The following MYOZ1 variants were observed in gnomAD, a reference collection of about 807,000 sequenced individuals.
MYOZ1 encodes the protein myozenin 1.
In MYOZ1, 20 loss-of-function variants were observed where a neutral mutation model predicts 28.7. That is an observed-to-expected ratio of 0.70 (90% CI 0.49 to 1.01). MYOZ1 has a LOEUF of 1.01. Ranked by LOEUF, MYOZ1 falls within the 50% of genes least tolerant of loss-of-function variation. The pLI is 0.00. For missense variants in MYOZ1, 371 were observed against 372.4 expected, an observed-to-expected ratio of 1.00 and a Z score of 0.03; for synonymous variants, 144 against 145.8, an observed-to-expected ratio of 0.99 and a Z score of 0.09.
intron 3 of MYOZ1, among the ~76,000 whole-genome samples, chr10:73,635,742 G>C (rs971459949): frequency 6.6e-6 from 1 of 152,134 alleles, no homozygotes; most frequent in East Asian, 1.9e-4. Context: ...ACAAGGACTA[G>C]AGAAATTCTG....
intron 2 of MYOZ1, among the ~76,000 whole-genome samples, chr10:73,639,407 C>A (rs1222729524): frequency 2.6e-5 from 4 of 152,228 alleles, no homozygotes; most frequent in Non-Finnish European, 1.5e-5. Flanking sequence ...CAGGCGTGAG[C>A]CACTGCACCT....
chr10:73,635,564 T>A (rs902826660), intron 3 of MYOZ1, among the ~76,000 whole-genome samples: 1 of 151,708 alleles, frequency 6.6e-6, no homozygotes, highest in African/African-American at 2.4e-5. Context: ...ATTTTTTTTT[T>A]TCCTAGAGAC....
intron 3 of MYOZ1, among the ~76,000 whole-genome samples, chr10:73,636,415 A>G (rs1369998976): frequency 6.6e-6 from 1 of 152,152 alleles, no homozygotes. Context: ...CAAATCAAAT[A>G]TAGGATACCA....
rs1331481193 is a variant in MYOZ1, at chr10:73,634,488, T to G, written c.498A>C (p.Gly166=). 1 of 1,613,950 alleles carries G rather than the reference T, an allele frequency of 6.2e-7. No individual in the cohort carries two copies. Among genetic ancestry groups the G allele is most frequent in the Non-Finnish European group, 8.5e-7 (1 of 1,180,036 alleles). Residue 166 remains glycine, a synonymous_variant, in exon 4 of 6, where the codon GGA becomes GGC. Transcript: ENST00000359322. ...AAGTAGVGET[G]SGDQAGGEGK... is the part of the protein sequence containing the mutation. ...CTCTTGGGTGAGTGTACTTGCCTGA[T>G]CCTGTCTCACCAACCCCTGCTGTGC...
chr10:73,633,541 C>A (rs548524095), intron 5 of MYOZ1, among the ~76,000 whole-genome samples: 1 of 151,646 alleles, frequency 6.6e-6, no homozygotes, highest in African/African-American at 2.4e-5. Flanking sequence ...CCTGCCTGGG[C>A]GATATAGCGA....
In MYOZ1 at chr10:73,633,914, A is replaced by G. The variant is rs773744874; in HGVS notation, c.654T>C (p.Tyr218=). ...AYGAKAELPK[Y]KSFNRTAMPY... ...ACCACCCCTACCTGTTGAAGGACTTATATTTGGGAAGTTCAGCTTTGGCCC... is the reference window on the plus strand; with the variant it reads ...ACCACCCCTACCTGTTGAAGGACTTGTATTTGGGAAGTTCAGCTTTGGCCC... The change falls in exon 5 of 6, where the codon TAT becomes TAC. Residue 218 remains tyrosine, a synonymous_variant. Coordinates refer to ENST00000359322, the MANE Select transcript of MYOZ1 (RefSeq NM_021245.4). 2 of 1,610,430 alleles carry G rather than the reference A, an allele frequency of 1.2e-6. No homozygotes were observed. Among genetic ancestry groups the G allele is most frequent in the Non-Finnish European group, 1.7e-6 (2 of 1,178,436 alleles).
Position 73,634,048 on chromosome 10 carries a change from C to T in MYOZ1, c.520G>A (p.Glu174Lys). The change falls in exon 5 of 6, where the codon GAA (glutamate) becomes AAA (lysine). Residue 174 changes from glutamate (E) to lysine (K), a missense_variant. Coordinates refer to ENST00000359322, the MANE Select transcript of MYOZ1 (RefSeq NM_021245.4). Reference protein sequence around the residue: ...ETGSGDQAGGEGKHITVFKTY... With the variant: ...ETGSGDQAGGKGKHITVFKTY... ...TTGAACACAGTGATATGTTTTCCTT[C>T]TCCGCCTGCCTGGTCTCCTGGTAGC... 6.2e-7 allele frequency: 1 copy of T among 1,613,950 alleles called. No homozygotes were observed.
intron 5 of MYOZ1, among the ~76,000 whole-genome samples, chr10:73,633,661 C>T (rs911149464): frequency 6.6e-6 from 1 of 152,160 alleles, no homozygotes; most frequent in Non-Finnish European, 1.5e-5. Context: ...GCCTACACAG[C>T]TAATAAATGA....
chr10:73,636,999 T>A (rs898757130), intron 3 of MYOZ1, among the ~76,000 whole-genome samples: 2 of 144,674 alleles, frequency 1.4e-5, no homozygotes, highest in Non-Finnish European at 3.0e-5. Flanking sequence ...CTTCTTCCTT[T>A]TTTCTTTTTT....
At chr10:73,639,487 T>C (rs964696365) in intron 2 of MYOZ1, among the ~76,000 whole-genome samples, 4 of 152,172 alleles carry the variant, frequency 2.6e-5, no homozygotes, top group African/African-American at 9.7e-5. Context: ...AAAGAGTCTC[T>C]AGGTATTGAA....
At chr10:73,637,018 T>C (rs944669772) in intron 3 of MYOZ1, among the ~76,000 whole-genome samples, 5 of 148,162 alleles carry the variant, frequency 3.4e-5, no homozygotes, top group East Asian at 2.0e-4. Context: ...TTCTTTCTTT[T>C]TTTTTTTTTT....
chr10:73,634,029 A>G lies in MYOZ1; in HGVS notation c.539T>C (p.Val180Ala), dbSNP rs752215140. The G allele has an allele frequency of 1.9e-6, 3 of 1,613,810 alleles. No homozygotes were observed. Among genetic ancestry groups the G allele is most frequent in the Admixed American group, 1.7e-5 (1 of 59,920 alleles). Residue 180 changes from valine (V) to alanine (A), a missense_variant, in exon 5 of 6, where the codon GTG becomes GCG. Coordinates refer to ENST00000359322, the MANE Select transcript of MYOZ1 (RefSeq NM_021245.4). ...QAGGEGKHIT[V>A]FKTYISPWER... is the part of the protein sequence containing the mutation. ...CCATGGGGAAATATAGGTCTTGAAC[A>G]CAGTGATATGTTTTCCTTCTCCGCC...
chr10:73,633,770 G>A (rs1176736334), intron 5 of MYOZ1, 130 bp downstream of exon 5: 6 of 1,028,040 alleles, frequency 5.8e-6, no homozygotes, highest in Non-Finnish European at 8.4e-6. Flanking sequence ...CAGGGCCTTT[G>A]ATTAGGACCC....
At chr10:73,634,118 T>A (rs917663438) in intron 4 of MYOZ1, 53 bp from the exon 5 acceptor site, 1 of 1,605,774 alleles carries the variant, frequency 6.2e-7, no homozygotes. Flanking sequence ...TAGTAGCCAA[T>A]GAAAGGTAAT....
Position 73,631,824 on chromosome 10 carries a change from AT to A in MYOZ1, c.*105del. On this transcript the variant is annotated 3_prime_UTR_variant, in exon 6 of 6. Coordinates refer to ENST00000359322, the MANE Select transcript of MYOZ1 (RefSeq NM_021245.4). ...AGGTAGATCTCTCCTTTTTCCCTCCATTCCCATAAGGATACTGGATTAACAA... is the reference window on the plus strand; with the variant it reads ...AGGTAGATCTCTCCTTTTTCCCTCCATCCCATAAGGATACTGGATTAACAA... The A allele has an allele frequency of 1.0e-6, 1 of 980,794 alleles. No homozygotes were observed. Among genetic ancestry groups the A allele is most frequent in the Non-Finnish European group, 1.5e-6 (1 of 650,498 alleles). 60.8% of individuals were successfully genotyped at this position (980,794 alleles called of 1,614,324 possible).
At position 73,632,177 on chromosome 10, in the gene MYOZ1, ATTATT is replaced by A. The variant is rs771183781; in HGVS notation, c.669-21_669-17del. Reference sequence around the variant, plus strand: ...CATTGCCGTCCTGAGAAGGGGACACATTATTTAATTAAGAATCAGAATAAAAGAAA... The same window carrying A: ...CATTGCCGTCCTGAGAAGGGGACACATAATTAAGAATCAGAATAAAAGAAA... On this transcript the variant is annotated splice_polypyrimidine_tract_variant and intron_variant, in intron 5 of 5. Transcript: ENST00000359322. The A allele has an allele frequency of 6.3e-7, 1 of 1,597,886 alleles. No individual in the cohort carries two copies. The highest frequency in any genetic ancestry group is 8.6e-7 in the Non-Finnish European group (1 of 1,165,518).
At chr10:73,639,866 A>G (rs767567821) in intron 2 of MYOZ1, 79 bp downstream of exon 2, 36 of 1,407,396 alleles carry the variant, frequency 2.6e-5, no homozygotes, top group Non-Finnish European at 3.2e-5. Context: ...TGTTCACCCT[A>G]AGATATATAT....
Position 73,632,019 on chromosome 10 carries a change from T to C in MYOZ1, c.811A>G (p.Thr271Ala). Residue 271 changes from threonine to alanine, a missense_variant, in exon 6 of 6, where the codon ACC becomes GCC. Thr to Ala is a moderately conservative substitution (Grantham distance 58). Coordinates refer to ENST00000359322, the MANE Select transcript of MYOZ1 (RefSeq NM_021245.4). Reference protein sequence around the residue: ...NLSNRPSFNRTPIPWLSSGEP... With the variant: ...NLSNRPSFNRAPIPWLSSGEP... ...CCAGAGCTCAGCCAGGGAATAGGGG[T>C]TCGATTGAAAGAAGGCCTGTTGGAG... 2 of 1,613,768 alleles carry C rather than the reference T, an allele frequency of 1.2e-6. No individual in the cohort carries two copies. The highest frequency in any genetic ancestry group is 1.7e-6 in the Non-Finnish European group (2 of 1,179,978).
chr10:73,634,091 A>G, intron 4 of MYOZ1, 26 bp from the exon 5 acceptor site: 1 of 1,613,864 alleles, frequency 6.2e-7, no homozygotes, highest in Non-Finnish European at 8.5e-7. Flanking sequence ...GAGAAAATTC[A>G]GTCAAATAAT....
Sources: gnomAD v4.1 joint callset for allele counts (sites outside exome capture counted in the v4.1 genomes callset) on GRCh38, gnomAD v4.1.1 for gene constraint, MANE v1.5 for transcripts, NCBI Gene and HGNC (gene_info 2026-07-23, HGNC 2026-07-21) for gene names.